The following ITGA5 variants were observed in gnomAD, a reference collection of about 807,000 sequenced individuals.
The protein encoded by ITGA5 is integrin alpha-5.
In ITGA5, 55 loss-of-function variants were observed where a neutral mutation model predicts 146.3. The ratio of observed to expected loss-of-function variants is 0.38; its 90% CI spans 0.30 to 0.47. The LOEUF is 0.47. ITGA5 is among the 20% of genes least tolerant of loss of function. The pLI is 0.99. For synonymous variants in ITGA5, 500 were observed against 531.8 expected (o/e 0.94, Z 0.82); for missense variants, 1,131 against 1,329.0 (o/e 0.85, Z 2.32).
At chr12:54,418,642 CCA>C (rs139504067) in intron 1 of ITGA5, among the ~76,000 whole-genome samples, 308 of 151,286 alleles carry the variant, frequency 2.0e-3, no homozygotes, top group African/African-American at 7.1e-3. Flanking sequence ...TCCCAGCAGC[CCA>C]CAGACTTCAG....
At position 54,397,440 on chromosome 12, in the gene ITGA5, G is replaced by A; in HGVS notation, c.2991C>T (p.Val997=). 1.9e-6 allele frequency: 3 copies of A among 1,614,168 alleles called. No homozygotes were observed. The highest frequency in any genetic ancestry group is 2.5e-6 in the Non-Finnish European group (3 of 1,180,026). Residue 997 remains valine, a synonymous_variant, in exon 29 of 30, where the codon GTC becomes GTT. Transcript: ENST00000293379. ...QWTKAEGSYG[V]PLWIIILAIL... is the part of the protein sequence containing the mutation. Reference sequence around the variant, plus strand: ...TGGCTAGGATGATGATCCACAGTGGGACGCCATAGCTGCCTTCTGCCTTGG... The same window carrying A: ...TGGCTAGGATGATGATCCACAGTGGAACGCCATAGCTGCCTTCTGCCTTGG...
In ITGA5 at chr12:54,403,866, C is replaced by A; in HGVS notation, c.1621+45G>T. The A allele has an allele frequency of 6.2e-7, 1 of 1,612,290 alleles. No homozygotes were observed. The highest frequency in any genetic ancestry group is 8.5e-7 in the Non-Finnish European group (1 of 1,178,384). On this transcript the variant is annotated intron_variant, in intron 16 of 29. Coordinates refer to ENST00000293379, the MANE Select transcript of ITGA5 (RefSeq NM_002205.5). This position sits in a 1 kb window ranked among gnomAD's most constrained non-coding sequence, Gnocchi z 4.9. ...AATGTCCCCAGGTCCCCAGTCCCTTCATTCTCTGTCCTAGGGCCTGAGAGA... is the reference window on the plus strand; with the variant it reads ...AATGTCCCCAGGTCCCCAGTCCCTTAATTCTCTGTCCTAGGGCCTGAGAGA...
chr12:54,402,380 C>T, intron 19 of ITGA5, 50 bp from the exon 20 acceptor site: 4 of 1,538,148 alleles, frequency 2.6e-6, no homozygotes, highest in Non-Finnish European at 3.6e-6. Context: ...ATCCTCAAAC[C>T]AGGACAAAGG....
chr12:54,407,827 C>A lies in ITGA5; in HGVS notation c.862+5G>T. 2 of 1,604,730 alleles carry A rather than the reference C, an allele frequency of 1.2e-6. No homozygotes were observed. The highest frequency in any genetic ancestry group is 8.5e-7 in the Non-Finnish European group (1 of 1,174,646). On this transcript the variant is annotated splice_donor_5th_base_variant and intron_variant, in intron 8 of 29. Coordinates refer to ENST00000293379, the MANE Select transcript of ITGA5 (RefSeq NM_002205.5). ...CCCTTGGCCCCAGCCTGGGGACACA[C>A]TCACCTTCTGTGTCATCACCACTGA...
intron 2 of ITGA5, 151 bp downstream of exon 2, chr12:54,411,683 A>G: frequency 3.8e-6 from 2 of 526,368 alleles, no homozygotes; most frequent in Non-Finnish European, 3.1e-6. Context: ...ATGGGGATCC[A>G]CTGTAAGCAG....
At chr12:54,400,486 C>G (rs1955772719) in intron 25 of ITGA5, 1 of 221,920 alleles carries the variant, frequency 4.5e-6, no homozygotes, top group Non-Finnish European at 8.9e-6. Context: ...CTGGGCCTAA[C>G]AGTGTTCAGT....
In ITGA5 at chr12:54,411,965, C is replaced by T; in HGVS notation, c.219-1G>A. 6.3e-7 allele frequency: 1 copy of T among 1,579,678 alleles called. No individual in the cohort carries two copies. Among genetic ancestry groups the T allele is most frequent in the East Asian group, 2.3e-5 (1 of 43,178 alleles). The stretch of plus-strand genomic sequence containing the variant: ...GGGTGCTCCCACCAGCACACTGACC[C>T]TGTGGGGGGGAAAAGCGAGGCAGTT... On this transcript the variant is annotated splice_acceptor_variant, in intron 1 of 29. Coordinates refer to ENST00000293379, the MANE Select transcript of ITGA5 (RefSeq NM_002205.5). LOFTEE classifies it high-confidence loss of function.
intron 27 of ITGA5, 34 bp downstream of exon 27, chr12:54,399,611 G>T: frequency 6.6e-7 from 1 of 1,509,994 alleles, no homozygotes; most frequent in Non-Finnish European, 9.2e-7. Flanking sequence ...AGGCCCAAAG[G>T]TCAGGGGTCA....
intron 19 of ITGA5, among the ~76,000 whole-genome samples, chr12:54,402,701 A>G (rs1955803978): frequency 7.1e-6 from 1 of 141,634 alleles, no homozygotes. Context: ...ACTCCGTCTC[A>G]AAAAAAAAAA....
chr12:54,413,556 C>T (rs1460896283), intron 1 of ITGA5: 1 of 152,384 alleles, frequency 6.6e-6, no homozygotes, highest in East Asian at 1.9e-4. Context: ...ACCTCCGTGC[C>T]AGGCCCCACC....
chr12:54,403,432 C>T lies in ITGA5; in HGVS notation c.1777-108G>A. On this transcript the variant is annotated intron_variant, in intron 17 of 29. Transcript: ENST00000293379. The surrounding 1 kb of genome is among the most constrained non-coding windows in gnomAD (Gnocchi z 4.9). The stretch of plus-strand genomic sequence containing the variant: ...TTGTCTGCTTAGGGCCCAATTCCGA[C>T]CATCCTCATTGTTTCAGAGGCCCTG... 7.3e-7 allele frequency: 1 copy of T among 1,372,496 alleles called. No homozygotes were observed. 85.0% of individuals were successfully genotyped at this position (1,372,496 alleles called of 1,614,324 possible).
intron 10 of ITGA5, 71 bp from the exon 11 acceptor site, chr12:54,405,787 G>A: frequency 6.2e-7 from 1 of 1,603,162 alleles, no homozygotes; most frequent in Non-Finnish European, 8.5e-7. Context: ...GAGGGGCTGG[G>A]AAGTTGGGCT....
chr12:54,399,989 G>T, intron 25 of ITGA5, 42 bp from the exon 26 acceptor site: 1 of 1,440,436 alleles, frequency 6.9e-7, no homozygotes, highest in Non-Finnish European at 9.8e-7. Context: ...TCTCATTACA[G>T]CTTCTAAGTC....
At position 54,400,992 on chromosome 12, in the gene ITGA5, T is replaced by C. The variant is rs1955778151; in HGVS notation, c.2497A>G (p.Ile833Val). The C allele has an allele frequency of 1.9e-6, 3 of 1,613,312 alleles. No homozygotes were observed. Among genetic ancestry groups the C allele is most frequent in the Non-Finnish European group, 2.5e-6 (3 of 1,179,714 alleles). Residue 833 changes from isoleucine to valine, a missense_variant, in exon 25 of 30, where the codon ATC (isoleucine) becomes GTC (valine). Physicochemically the swap from Ile to Val is conservative, Grantham distance 29. Around this residue, in one of 3 missense-constraint regions of ITGA5, gnomAD observed 889 missense variants for 1,021.5 expected, o/e 0.87. Coordinates refer to ENST00000293379, the MANE Select transcript of ITGA5 (RefSeq NM_002205.5). ...CTAATGGAGCTGGGGCCTTGGTTGA[T>C]GAGCTGAGGAGGGAAGAGCACAATC... ...GPAVHHVYEL[I>V]NQGPSSISQG...
Position 54,409,356 on chromosome 12 carries a change from G to A in ITGA5, c.463-4C>T, listed in dbSNP as rs368458733. On this transcript the variant is annotated splice_region_variant and splice_polypyrimidine_tract_variant and intron_variant, in intron 3 of 29. Transcript: ENST00000293379. The surrounding 1 kb of genome is among the most constrained non-coding windows in gnomAD (Gnocchi z 4.7). Reference sequence around the variant, plus strand: ...AGCTGTACAGTGGAGCGCATGCCTGGGAGGGCCCAGGAGGAGGGGCCTTCA... The same window carrying A: ...AGCTGTACAGTGGAGCGCATGCCTGAGAGGGCCCAGGAGGAGGGGCCTTCA... 6.0e-5 allele frequency: 97 copies of A among 1,611,402 alleles called. 1 individual carries two copies. The African/African-American group carries it at 1.1e-3, about 19-fold the overall frequency.
intron 1 of ITGA5, among the ~76,000 whole-genome samples, chr12:54,417,381 C>T (rs1180524706): frequency 6.8e-6 from 1 of 147,542 alleles, no homozygotes; most frequent in Non-Finnish European, 1.5e-5. Flanking sequence ...TCCATTAGGG[C>T]TGTGATAAGA....
At position 54,404,888 on chromosome 12, in the gene ITGA5, G is replaced by A; in HGVS notation, c.1232C>T (p.Ala411Val). The A allele has an allele frequency of 6.4e-7, 1 of 1,574,132 alleles. No homozygotes were observed. The highest frequency in any genetic ancestry group is 8.6e-7 in the Non-Finnish European group (1 of 1,163,380). ...CTCCCCACCAAAGGGAGCCCCGATGGCCACATCTGGAAGACACAGAACACA... is the reference window on the plus strand; with the variant it reads ...CTCCCCACCAAAGGGAGCCCCGATGACCACATCTGGAAGACACAGAACACA... ...DLDQDGYNDV[A>V]IGAPFGGETQ... Residue 411 changes from alanine to valine, a missense_variant, in exon 13 of 30, where the codon GCC becomes GTC. Ala to Val is a moderately conservative substitution (Grantham distance 64). Coordinates refer to ENST00000293379, the MANE Select transcript of ITGA5 (RefSeq NM_002205.5).
In ITGA5 at chr12:54,403,058, G is replaced by A; in HGVS notation, c.1915-8C>T. 6.2e-7 allele frequency: 1 copy of A among 1,614,078 alleles called. No homozygotes were observed. The highest frequency in any genetic ancestry group is 1.7e-5 in the Admixed American group (1 of 60,012). On this transcript the variant is annotated splice_polypyrimidine_tract_variant and splice_region_variant and intron_variant, in intron 18 of 29. Coordinates refer to ENST00000293379, the MANE Select transcript of ITGA5 (RefSeq NM_002205.5). This position sits in a 1 kb window ranked among gnomAD's most constrained non-coding sequence, Gnocchi z 4.9. The stretch of plus-strand genomic sequence containing the variant: ...GTCCAGCAAGATCTGAGCCTGGGGA[G>A]CAGGGCAGCCTTGAGAGGGGAAGTT...
Position 54,404,145 on chromosome 12 carries a change from C to G in ITGA5, c.1565G>C (p.Cys522Ser), listed in dbSNP as rs1192197386. 1 of 1,578,876 alleles carries G rather than the reference C, an allele frequency of 6.3e-7. No individual in the cohort carries two copies. The highest frequency in any genetic ancestry group is 8.6e-7 in the Non-Finnish European group (1 of 1,162,274). The change falls in exon 15 of 30, where the codon TGC becomes TCC. Residue 522 changes from cysteine to serine, a missense_variant and splice_region_variant. Coordinates refer to ENST00000293379, the MANE Select transcript of ITGA5 (RefSeq NM_002205.5). The part of the protein sequence containing the change: ...SCSLEGNPVA[C>S]INLSFCLNAS... ...TGCAATTTCCTGGGCACCAGCTCAC[C>G]AGGCCACAGGGTTCCCCTCTAAGCT...
Sources: gnomAD v4.1 joint callset for allele counts (sites outside exome capture counted in the v4.1 genomes callset) on GRCh38, gnomAD v4.1.1 for gene constraint, gnomAD v4.1.1 regional missense constraint, Gnocchi (gnomAD v3.1) non-coding constraint, MANE v1.5 for transcripts, NCBI Gene and HGNC (gene_info 2026-07-23, HGNC 2026-07-21) for gene names.